GRIN2A: variants seen among roughly 807,000 people sequenced by gnomAD.
GRIN2A encodes the protein glutamate ionotropic receptor NMDA type subunit 2A, also known as glutamate receptor ionotropic, NMDA 2A.
Under a neutral mutation model 113.4 loss-of-function variants are expected in GRIN2A, and 22 were observed. The observed-to-expected ratio is 0.19, with a 90% CI of 0.14 to 0.28. GRIN2A has a LOEUF of 0.28. Among genes scored for constraint, GRIN2A ranks in the 10% least tolerant of loss-of-function variants. The pLI is 1.00. For synonymous variants in GRIN2A, 827 were observed against 738.4 expected, an observed-to-expected ratio of 1.12 and a Z score of -1.94; for missense variants, 1,502 against 1,887.0, an observed-to-expected ratio of 0.80 and a Z score of 3.78.
At chr16:10,099,883 T>C (rs1414182287) in intron 2 of GRIN2A, among the ~76,000 whole-genome samples, 1 of 152,194 alleles carries the variant, frequency 6.6e-6, no homozygotes, top group Admixed American at 6.5e-5. Flanking sequence ...GCTGGGGATA[T>C]AACAGTGAAG....
At chr16:10,059,023 G>T (rs1032135492) in intron 2 of GRIN2A, among the ~76,000 whole-genome samples, 1 of 152,196 alleles carries the variant, frequency 6.6e-6, no homozygotes, top group African/African-American at 2.4e-5. Flanking sequence ...GCAGGATGGG[G>T]AATCATAATA....
chr16:9,925,762 G>C (rs1176491658), intron 3 of GRIN2A, among the ~76,000 whole-genome samples: 2 of 152,014 alleles, frequency 1.3e-5, no homozygotes, highest in African/African-American at 2.4e-5. Context: ...AGTCCATCTT[G>C]GTCTGAAGTA....
At chr16:10,087,793 C>T (rs1342828129) in intron 2 of GRIN2A, among the ~76,000 whole-genome samples, 2 of 151,850 alleles carry the variant, frequency 1.3e-5, no homozygotes, top group Non-Finnish European at 2.9e-5. Flanking sequence ...CTCAAGTGAT[C>T]CTCCCACCTC....
At chr16:10,094,519 A>T (rs1273666491) in intron 2 of GRIN2A, among the ~76,000 whole-genome samples, 1 of 151,656 alleles carries the variant, frequency 6.6e-6, no homozygotes, top group Admixed American at 6.6e-5. Flanking sequence ...GCACAATCTC[A>T]GCTCACTGCA....
chr16:9,859,377 A>G (rs1043186241), intron 4 of GRIN2A, among the ~76,000 whole-genome samples: 2 of 152,186 alleles, frequency 1.3e-5, no homozygotes, highest in Admixed American at 1.3e-4. Context: ...ATAAGTGTCC[A>G]GTGAATGTCA....
rs1900448392 is a variant in GRIN2A at position 9,758,465 on chromosome 16, C to T, written c.*4684G>A. ...AACTGAGATTAAAAAAATATAGTGC[C>T]CTCTCTACAGAAATATCCTCCCATA... On this transcript the variant is annotated 3_prime_UTR_variant, in exon 13 of 13. Transcript: ENST00000330684. 1 of 218,496 alleles carries T rather than the reference C, an allele frequency of 4.6e-6. No homozygotes were observed. The highest frequency in any genetic ancestry group is 2.2e-5 in the African/African-American group (1 of 44,494). 13.5% of individuals were successfully genotyped at this position (218,496 alleles called of 1,614,324 possible). A position where few individuals can be genotyped will look rare whatever the true frequency, so the allele number is the denominator to read the frequency against.
chr16:9,924,555 C>T (rs917459844), intron 3 of GRIN2A, among the ~76,000 whole-genome samples: 1 of 152,086 alleles, frequency 6.6e-6, no homozygotes. Context: ...TTCTCATTCT[C>T]AGGATTTAAG....
At chr16:9,869,702 C>A (rs1448081599) in intron 4 of GRIN2A, among the ~76,000 whole-genome samples, 2 of 152,168 alleles carry the variant, frequency 1.3e-5, no homozygotes, top group Admixed American at 1.3e-4. Context: ...ATATTATTCT[C>A]ATGGAAATAA....
intron 2 of GRIN2A, among the ~76,000 whole-genome samples, chr16:9,990,561 G>GCACACACACACACACACACACACACACA (rs776273740): frequency 7.8e-6 from 1 of 128,678 alleles, no homozygotes; most frequent in African/African-American, 2.8e-5. Flanking sequence ...GCGCGCGCGC[G>GCACACACACACACACACACACACACACA]CGCACACACA....
chr16:10,066,297 G>A (rs918041160), intron 2 of GRIN2A, among the ~76,000 whole-genome samples: 22 of 152,138 alleles, frequency 1.4e-4, no homozygotes, highest in African/African-American at 3.4e-4. Flanking sequence ...CGAAGTGGCC[G>A]CTGGGCTCCT....
At chr16:10,055,576 A>G (rs2047445282) in intron 2 of GRIN2A, among the ~76,000 whole-genome samples, 2 of 152,346 alleles carry the variant, frequency 1.3e-5, no homozygotes, top group African/African-American at 4.8e-5. Flanking sequence ...CCTTTGTCAC[A>G]TCTGATGAAG....
At chr16:10,034,795 G>C (rs1471836270) in intron 2 of GRIN2A, among the ~76,000 whole-genome samples, 1 of 152,080 alleles carries the variant, frequency 6.6e-6, no homozygotes, top group African/African-American at 2.4e-5. Flanking sequence ...GAACCACTAG[G>C]ACTTTGCATT....
chr16:10,004,530 A>C (rs764663992), intron 2 of GRIN2A, among the ~76,000 whole-genome samples: 1 of 152,166 alleles, frequency 6.6e-6, no homozygotes, highest in South Asian at 2.1e-4. Context: ...CTGGGCTAAA[A>C]TCAAGGTGTC....
At chr16:9,987,695 G>A (rs1214806548) in intron 2 of GRIN2A, among the ~76,000 whole-genome samples, 1 of 152,220 alleles carries the variant, frequency 6.6e-6, no homozygotes, top group Non-Finnish European at 1.5e-5. Context: ...TCTCATTCAT[G>A]TGAGATCTGT....
intron 2 of GRIN2A, among the ~76,000 whole-genome samples, chr16:9,973,398 G>C (rs1374484266): frequency 6.6e-6 from 1 of 152,174 alleles, no homozygotes; most frequent in South Asian, 2.1e-4. Flanking sequence ...TTAGAAGCAA[G>C]ATGAAGTCAC....
chr16:10,168,828 G>T (rs2049977413), intron 2 of GRIN2A, among the ~76,000 whole-genome samples: 1 of 152,014 alleles, frequency 6.6e-6, no homozygotes, highest in Non-Finnish European at 1.5e-5. Context: ...AGCTGATGGT[G>T]GTGGCAGGTG....
intron 2 of GRIN2A, among the ~76,000 whole-genome samples, chr16:10,039,865 G>T (rs1157070786): frequency 1.4e-5 from 2 of 141,694 alleles, no homozygotes; most frequent in Admixed American, 7.1e-5. Flanking sequence ...TCAGAGGAGG[G>T]GTGCGGCAGC....
chr16:10,095,084 A>T (rs1044398020), intron 2 of GRIN2A, among the ~76,000 whole-genome samples: 2 of 151,794 alleles, frequency 1.3e-5, no homozygotes, highest in South Asian at 2.1e-4. Flanking sequence ...AAGAAGAGAG[A>T]TTTCTCTCTC....
intron 2 of GRIN2A, among the ~76,000 whole-genome samples, chr16:10,015,287 A>AAAAAAAAAAAAAAAAAAAAAAAAAAAT (rs2046587940): frequency 7.0e-6 from 1 of 141,898 alleles, no homozygotes; most frequent in African/African-American, 2.7e-5. Context: ...AAAAAAAGAA[A>AAAAAAAAAAAAAAAAAAAAAAAAAAAT]AAGAAAGGAA....
Sources: allele counts gnomAD v4.1 joint callset (sites outside exome capture counted in the v4.1 genomes callset), GRCh38; gene constraint gnomAD v4.1.1; transcripts MANE v1.5; gene names NCBI Gene and HGNC (gene_info 2026-07-23, HGNC 2026-07-21).